CELF1: variants seen among roughly 807,000 people sequenced by gnomAD.
CELF1 encodes the protein CUGBP Elav-like family member 1.
In CELF1, 10 loss-of-function variants were observed where a neutral mutation model predicts 61.8. The observed-to-expected ratio is 0.16, with a 90% CI of 0.10 to 0.27. CELF1 has a LOEUF of 0.27. Among genes scored for constraint, CELF1 ranks in the 10% least tolerant of loss-of-function variants. The probability of loss-of-function intolerance (pLI) is 1.00; values close to 1 mark genes in which losing one functional copy is unlikely to be tolerated. For synonymous variants in CELF1, 236 were observed against 225.1 expected (o/e 1.05, Z -0.43); for missense variants, 380 against 639.1 (o/e 0.59, Z 4.37).
intron 2 of CELF1, among the ~76,000 whole-genome samples, chr11:47,559,884 C>T (rs117677903): frequency 0.013 from 1,928 of 152,044 alleles, 24 homozygotes; most frequent in Non-Finnish European, 0.021. Flanking sequence ...TGCCTATAAT[C>T]CCAGCTGCTC....
upstream of CELF1, among the ~76,000 whole-genome samples, chr11:47,553,827 T>TC (rs2097192709): frequency 6.6e-6 from 1 of 151,364 alleles, no homozygotes. Flanking sequence ...TATTTTTTTT[T>TC]CTTAACTCAG....
rs1251452321 is a variant in CELF1, at chr11:47,468,045, G to A, written c.*4185C>T. On this transcript the variant is annotated 3_prime_UTR_variant, in exon 15 of 15. Coordinates refer to ENST00000687097, the MANE Select transcript of CELF1 (RefSeq NM_001376376.1). ...TCTGGGCATAATCTTAGTAGGAAAG[G>A]AAAAAATTCAAAACAAAAACACAAA... 2 of 152,000 alleles carry A rather than the reference G, an allele frequency of 1.3e-5. No homozygotes were observed. The highest frequency in any genetic ancestry group is 4.8e-5 in the African/African-American group (2 of 41,370). The allele number at this position is 152,000 out of a possible 1,614,324, so 9.4% of individuals were successfully genotyped here.
chr11:47,525,915 A>G (rs1490347670), intron 1 of CELF1, among the ~76,000 whole-genome samples: 1 of 140,456 alleles, frequency 7.1e-6, no homozygotes, highest in East Asian at 2.1e-4. Context: ...ACCCGTCTCT[A>G]TCCACAAACA....
At chr11:47,525,266 A>AT (rs2096178275) in intron 1 of CELF1, among the ~76,000 whole-genome samples, 1 of 152,218 alleles carries the variant, frequency 6.6e-6, no homozygotes, top group African/African-American at 2.4e-5. Flanking sequence ...TCTGAGGATG[A>AT]TGGCTTATAT....
chr11:47,517,934 C>T (rs1240898114), intron 1 of CELF1, among the ~76,000 whole-genome samples: 3 of 152,096 alleles, frequency 2.0e-5, no homozygotes, highest in African/African-American at 7.2e-5. Flanking sequence ...AGCCACTGTG[C>T]CCGGCCTACT....
intron 1 of CELF1, among the ~76,000 whole-genome samples, chr11:47,526,424 G>C (rs1415317963): frequency 1.3e-5 from 2 of 152,300 alleles, no homozygotes; most frequent in Non-Finnish European, 2.9e-5. Flanking sequence ...CTCTGAGTGT[G>C]GTTTCAACCT....
intron 1 of CELF1, among the ~76,000 whole-genome samples, chr11:47,545,498 T>G (rs991124976): frequency 3.3e-5 from 5 of 152,114 alleles, no homozygotes; most frequent in Non-Finnish European, 7.3e-5. Context: ...ATTAAGAGGT[T>G]AATAACAAGA....
chr11:47,556,244 G>C (rs763149987), upstream of CELF1, among the ~76,000 whole-genome samples: 1 of 152,166 alleles, frequency 6.6e-6, no homozygotes, highest in Non-Finnish European at 1.5e-5. Context: ...GAGTGTAGTA[G>C]TGCTATCATA....
chr11:47,533,950 T>C (rs2096560351), intron 1 of CELF1, among the ~76,000 whole-genome samples: 1 of 151,814 alleles, frequency 6.6e-6, no homozygotes, highest in Non-Finnish European at 1.5e-5. Flanking sequence ...TCAACTGAAG[T>C]TTCTATGACC....
At chr11:47,501,874 C>A (rs906110729) in intron 1 of CELF1, among the ~76,000 whole-genome samples, 1 of 152,090 alleles carries the variant, frequency 6.6e-6, no homozygotes, top group Admixed American at 6.5e-5. Context: ...AAGGAACTTA[C>A]CTAAATTTCA....
chr11:47,483,619 G>A, intron 7 of CELF1, 87 bp from the exon 8 acceptor site: 4 of 954,190 alleles, frequency 4.2e-6, no homozygotes, highest in Non-Finnish European at 5.1e-6. Context: ...TGACTATCAT[G>A]CTAGCAATAC....
chr11:47,488,754 G>T, intron 4 of CELF1, 83 bp downstream of exon 4: 1 of 1,104,082 alleles, frequency 9.1e-7, no homozygotes, highest in Non-Finnish European at 1.2e-6. Context: ...CCAATTTTTT[G>T]TATCCTGTTA....
intron 7 of CELF1, 91 bp from the exon 8 acceptor site, chr11:47,483,623 G>A (rs879049269): frequency 5.3e-5 from 48 of 912,428 alleles, no homozygotes; most frequent in Non-Finnish European, 3.6e-6. Flanking sequence ...TATCATGCTA[G>A]CAATACAGAC....
intron 1 of CELF1, among the ~76,000 whole-genome samples, chr11:47,545,530 G>A (rs2096911440): frequency 6.6e-6 from 1 of 152,062 alleles, no homozygotes; most frequent in Non-Finnish European, 1.5e-5. Context: ...GTTATTAAGA[G>A]GTTAATAAGG....
In CELF1 at chr11:47,477,968, G is replaced by C. The variant is rs180861144; in HGVS notation, c.845-543C>G. On this transcript the variant is annotated intron_variant, in intron 10 of 14. Coordinates refer to ENST00000687097, the MANE Select transcript of CELF1 (RefSeq NM_001376376.1). ...AAGAGGAGAGAGGAAAAATCACTGAGTGAAAGACTTCCAAGTAGAGCCCAG... is the reference window on the plus strand; with the variant it reads ...AAGAGGAGAGAGGAAAAATCACTGACTGAAAGACTTCCAAGTAGAGCCCAG... 2.7e-3 allele frequency among the ~76,000 whole-genome samples: 407 copies of C among 152,264 alleles called. 3 individuals carry two copies. Among genetic ancestry groups the C allele is most frequent in the South Asian group, 0.019 (94 of 4,828 alleles).
At chr11:47,477,559 C>T in intron 10 of CELF1, 134 bp from the exon 11 acceptor site, 1 of 796,770 alleles carries the variant, frequency 1.3e-6, no homozygotes, top group Non-Finnish European at 2.0e-6. Flanking sequence ...TTACAAACAA[C>T]ATTACAGGGC....
rs1387387632 is a variant in CELF1, at chr11:47,470,892, G to C, written c.*1338C>G. On this transcript the variant is annotated 3_prime_UTR_variant, in exon 15 of 15. Coordinates refer to ENST00000687097, the MANE Select transcript of CELF1 (RefSeq NM_001376376.1). ...ACAGGCAAGAGCTGAAGTAAGACCT[G>C]CAAGAGGCGGCAGGGAGCTAACTGT... 1 of 152,252 alleles carries C rather than the reference G, an allele frequency of 6.6e-6. No individual in the cohort carries two copies. Among genetic ancestry groups the C allele is most frequent in the Non-Finnish European group, 1.5e-5 (1 of 68,088 alleles). 9.4% of individuals were successfully genotyped at this position (152,252 alleles called of 1,614,324 possible). A position where few individuals can be genotyped will look rare whatever the true frequency, so the allele number is the denominator to read the frequency against.
chr11:47,494,373 T>C (rs2092629363), intron 3 of CELF1: 2 of 983,776 alleles, frequency 2.0e-6, no homozygotes, highest in Non-Finnish European at 2.4e-6. Flanking sequence ...GCTGCCATTA[T>C]TAAGAATGAG....
At chr11:47,557,671 G>A (rs940994490), upstream of CELF1, 1 of 145,118 alleles carries the variant, frequency 6.9e-6, no homozygotes, top group Non-Finnish European at 1.5e-5. Context: ...TAGGCAACCT[G>A]GTGGTCCCCC....
Sources: allele counts gnomAD v4.1 joint callset (sites outside exome capture counted in the v4.1 genomes callset), GRCh38; gene constraint gnomAD v4.1.1; transcripts MANE v1.5; gene names NCBI Gene and HGNC (gene_info 2026-07-23, HGNC 2026-07-21).